The following DCLK1 variants were observed in gnomAD, a reference collection of about 807,000 sequenced individuals.
DCLK1 encodes the protein doublecortin like kinase 1.
A neutral mutation model predicts 86.2 loss-of-function variants in DCLK1; 16 were observed. That is an observed-to-expected ratio of 0.19 (90% CI 0.13 to 0.28). The LOEUF is 0.28. Ranked by LOEUF, DCLK1 falls within the 10% of genes least tolerant of loss-of-function variation. The probability of loss-of-function intolerance (pLI) is 1.00; values close to 1 mark genes in which losing one functional copy is unlikely to be tolerated. For synonymous variants in DCLK1, 369 were observed against 370.5 expected, an observed-to-expected ratio of 1.00 and a Z score of 0.05; for missense variants, 590 against 940.2, an observed-to-expected ratio of 0.63 and a Z score of 4.87.
intron 3 of DCLK1, among the ~76,000 whole-genome samples, chr13:36,029,781 AATAAC>A (rs1161597172): frequency 3.0e-4 from 46 of 152,336 alleles, no homozygotes; most frequent in Admixed American, 7.2e-4. Context: ...TTTCATTACA[AATAAC>A]ATTTTAAAAT....
chr13:36,075,210 C>T (rs956083918), intron 3 of DCLK1, among the ~76,000 whole-genome samples: 2 of 152,158 alleles, frequency 1.3e-5, no homozygotes, highest in Non-Finnish European at 2.9e-5. Flanking sequence ...GAATCATCTG[C>T]GTGGTTTTAA....
At chr13:35,816,101 A>T (rs2087259485) in intron 11 of DCLK1, among the ~76,000 whole-genome samples, 1 of 152,212 alleles carries the variant, frequency 6.6e-6, no homozygotes. Context: ...AAACATGCAC[A>T]TTCCGGATTC....
chr13:35,930,639 AC>A (rs1460121921), intron 4 of DCLK1, among the ~76,000 whole-genome samples: 2 of 152,280 alleles, frequency 1.3e-5, no homozygotes, highest in Non-Finnish European at 2.9e-5. Context: ...AACAAAAAAA[AC>A]AAAGCAAAAA....
At chr13:35,945,705 C>A (rs567776006) in intron 4 of DCLK1, among the ~76,000 whole-genome samples, 1 of 152,274 alleles carries the variant, frequency 6.6e-6, no homozygotes, top group Admixed American at 6.5e-5. Context: ...TTGACTTTCA[C>A]CTGTTCTACA....
chr13:35,861,960 A>G (rs897053739), intron 5 of DCLK1, among the ~76,000 whole-genome samples: 43 of 139,236 alleles, frequency 3.1e-4, no homozygotes, highest in Admixed American at 2.4e-3. Flanking sequence ...TGAACCCAGG[A>G]GGCGGAGCTA....
chr13:36,061,285 C>T (rs1387385561), intron 3 of DCLK1, among the ~76,000 whole-genome samples: 1 of 152,094 alleles, frequency 6.6e-6, no homozygotes, highest in Non-Finnish European at 1.5e-5. Flanking sequence ...CGAGTTACAG[C>T]CTTGAAGTAA....
In DCLK1 at chr13:35,773,393, T is replaced by C. The variant is rs2086367874; in HGVS notation, c.*1142A>G. On this transcript the variant is annotated 3_prime_UTR_variant, in exon 17 of 17. Coordinates refer to ENST00000360631, the MANE Select transcript of DCLK1 (RefSeq NM_001330071.2). The stretch of plus-strand genomic sequence containing the variant: ...GGAGACTATATAGGTAACCTAAAGG[T>C]GCACATGGAATTGTCTTGCCAGTGG... 6.6e-6 allele frequency: 1 copy of C among 152,112 alleles called. No homozygotes were observed. The highest frequency in any genetic ancestry group is 1.5e-5 in the Non-Finnish European group (1 of 67,992). The allele number at this position is 152,112 out of a possible 1,614,324, so 9.4% of individuals were successfully genotyped here.
chr13:35,852,508 C>T (rs1593662131), intron 6 of DCLK1, among the ~76,000 whole-genome samples: 1 of 152,308 alleles, frequency 6.6e-6, no homozygotes, highest in East Asian at 1.9e-4. Flanking sequence ...CTTTGTCCTC[C>T]TAAAACAAAT....
chr13:35,816,836 C>A (rs1293750061), intron 11 of DCLK1, among the ~76,000 whole-genome samples: 3 of 152,132 alleles, frequency 2.0e-5, no homozygotes, highest in African/African-American at 4.8e-5. Flanking sequence ...TACTGCAAAA[C>A]CCTGATGTGA....
intron 7 of DCLK1, among the ~76,000 whole-genome samples, chr13:35,838,622 G>T (rs1461639692): frequency 6.6e-6 from 1 of 152,112 alleles, no homozygotes; most frequent in Non-Finnish European, 1.5e-5. Context: ...GAATATTTTT[G>T]CAATTTCCAC....
At chr13:36,057,664 T>C (rs923751448) in intron 3 of DCLK1, among the ~76,000 whole-genome samples, 3 of 152,150 alleles carry the variant, frequency 2.0e-5, no homozygotes, top group Non-Finnish European at 4.4e-5. Flanking sequence ...CAGGGTTCAG[T>C]TGAGGTTCAG....
At chr13:35,844,081 T>C (rs941719541) in intron 6 of DCLK1, among the ~76,000 whole-genome samples, 1 of 152,256 alleles carries the variant, frequency 6.6e-6, no homozygotes, top group Non-Finnish European at 1.5e-5. Context: ...AAGGCTCCAC[T>C]ATTTGAAACA....
At chr13:35,854,431 TG>T in intron 6 of DCLK1, 67 bp downstream of exon 6, 1 of 1,289,578 alleles carries the variant, frequency 7.8e-7, no homozygotes, top group Non-Finnish European at 1.0e-6. Flanking sequence ...CACGATTTGC[TG>T]GCACCTGTAC....
intron 3 of DCLK1, among the ~76,000 whole-genome samples, chr13:35,973,117 A>G (rs2153139895): frequency 6.6e-6 from 1 of 152,242 alleles, no homozygotes; most frequent in South Asian, 2.1e-4. Context: ...GGGTGGGGCT[A>G]AGGGAGGAGA....
At chr13:35,955,628 G>T (rs758318872) in intron 3 of DCLK1, among the ~76,000 whole-genome samples, 13 of 152,258 alleles carry the variant, frequency 8.5e-5, no homozygotes, top group Non-Finnish European at 1.5e-4. Flanking sequence ...ATATTGACCA[G>T]GTGCCTTGGC....
intron 16 of DCLK1, among the ~76,000 whole-genome samples, chr13:35,786,440 T>C (rs773876445): frequency 2.6e-5 from 4 of 152,212 alleles, no homozygotes; most frequent in Non-Finnish European, 4.4e-5. Flanking sequence ...TCGATTTCTA[T>C]AGAGTACAAA....
chr13:36,045,310 G>A (rs1405227572), intron 3 of DCLK1, among the ~76,000 whole-genome samples: 14 of 80,736 alleles, frequency 1.7e-4, no homozygotes, highest in East Asian at 9.5e-4. Flanking sequence ...ATATATATAT[G>A]TCTATATATG....
chr13:36,029,393 T>C (rs187936202), intron 3 of DCLK1, among the ~76,000 whole-genome samples: 262 of 152,330 alleles, frequency 1.7e-3, no homozygotes, highest in African/African-American at 6.1e-3. Context: ...AGAGACTGGG[T>C]CTGTCTTATT....
chr13:35,788,301 T>C (rs201956638), intron 16 of DCLK1: 5 of 1,613,190 alleles, frequency 3.1e-6, no homozygotes, highest in East Asian at 2.2e-5. Flanking sequence ...CAGAGAGAAA[T>C]GGGGCAACTC....
Sources: gnomAD v4.1 joint callset for allele counts (sites outside exome capture counted in the v4.1 genomes callset) on GRCh38, gnomAD v4.1.1 for gene constraint, MANE v1.5 for transcripts, NCBI Gene and HGNC (gene_info 2026-07-23, HGNC 2026-07-21) for gene names.